L3MBTL4: variants seen among roughly 807,000 people sequenced by gnomAD.
The protein encoded by L3MBTL4 is L3MBTL histone methyl-lysine binding protein 4, also known as lethal(3)malignant brain tumor-like protein 4.
A neutral mutation model predicts 84.5 loss-of-function variants in L3MBTL4; 70 were observed. The ratio of observed to expected loss-of-function variants is 0.83; its 90% CI spans 0.68 to 1.01. L3MBTL4 has a LOEUF of 1.01. Ranked by LOEUF, L3MBTL4 falls within the 50% of genes least tolerant of loss-of-function variation. L3MBTL4 has a pLI of 0.00. For synonymous variants in L3MBTL4, 274 were observed against 259.8 expected, an observed-to-expected ratio of 1.05 and a Z score of -0.52; for missense variants, 715 against 754.8, an observed-to-expected ratio of 0.95 and a Z score of 0.62.
chr18:6,332,559 C>A (rs1262295305), intron 1 of L3MBTL4, among the ~76,000 whole-genome samples: 1 of 152,178 alleles, frequency 6.6e-6, no homozygotes, highest in South Asian at 2.1e-4. Context: ...AGATTCAATT[C>A]TAGGATTCTT....
At chr18:5,958,831 T>C (rs2095247531) in intron 18 of L3MBTL4, among the ~76,000 whole-genome samples, 1 of 152,198 alleles carries the variant, frequency 6.6e-6, no homozygotes, top group Non-Finnish European at 1.5e-5. Context: ...GCAATCTGCC[T>C]AAAGTGACAG....
At chr18:6,285,989 G>A (rs1252731964) in intron 4 of L3MBTL4, among the ~76,000 whole-genome samples, 3 of 150,884 alleles carry the variant, frequency 2.0e-5, no homozygotes, top group Non-Finnish European at 4.4e-5. Context: ...GTGCCACCAC[G>A]CCCAGCTAAT....
intron 4 of L3MBTL4, among the ~76,000 whole-genome samples, chr18:6,285,967 G>C (rs896849275): frequency 6.6e-6 from 1 of 151,536 alleles, no homozygotes; most frequent in African/African-American, 2.4e-5. Flanking sequence ...CAGTAGCTGG[G>C]ATCACAGGTG....
At chr18:6,230,784 T>A (rs1238957634) in intron 10 of L3MBTL4, among the ~76,000 whole-genome samples, 1 of 152,208 alleles carries the variant, frequency 6.6e-6, no homozygotes, top group African/African-American at 2.4e-5. Flanking sequence ...TAATAGCCAT[T>A]CTGACTGGTG....
At chr18:6,355,481 G>T (rs1257991467) in intron 1 of L3MBTL4, among the ~76,000 whole-genome samples, 1 of 151,656 alleles carries the variant, frequency 6.6e-6, no homozygotes, top group Non-Finnish European at 1.5e-5. Flanking sequence ...CTGGATAACA[G>T]TAGTAATCTT....
At chr18:6,290,604 T>C (rs904024809) in intron 4 of L3MBTL4, among the ~76,000 whole-genome samples, 1 of 152,038 alleles carries the variant, frequency 6.6e-6, no homozygotes, top group Admixed American at 6.6e-5. Context: ...CTCAGCTCAT[T>C]GCAACCTCAA....
At chr18:6,017,583 T>G (rs918990897) in intron 16 of L3MBTL4, 9 of 152,228 alleles carry the variant, frequency 5.9e-5, no homozygotes, top group African/African-American at 1.9e-4. Flanking sequence ...CCTTGACGAC[T>G]GCCCGTTAAA....
chr18:6,061,097 A>G (rs1361299862), intron 16 of L3MBTL4, among the ~76,000 whole-genome samples: 3 of 152,280 alleles, frequency 2.0e-5, no homozygotes, highest in South Asian at 2.1e-4. Flanking sequence ...CTACCAAACT[A>G]TCTTTCAAAG....
At chr18:6,208,428 T>A (rs754100794) in intron 12 of L3MBTL4, among the ~76,000 whole-genome samples, 1 of 152,182 alleles carries the variant, frequency 6.6e-6, no homozygotes, top group Non-Finnish European at 1.5e-5. Flanking sequence ...AGTTAATGCA[T>A]TAAATAGGAA....
At chr18:6,095,158 G>A (rs948294883) in intron 14 of L3MBTL4, among the ~76,000 whole-genome samples, 2 of 152,226 alleles carry the variant, frequency 1.3e-5, no homozygotes, top group South Asian at 4.1e-4. Context: ...TGTTTTACAT[G>A]TATTATTTCT....
chr18:6,283,370 G>A (rs181761611), intron 4 of L3MBTL4, among the ~76,000 whole-genome samples: 1 of 152,084 alleles, frequency 6.6e-6, no homozygotes. Context: ...ACTATTTCTG[G>A]TTATGTAAGA....
At position 6,247,223 on chromosome 18, in the gene L3MBTL4, AACATTTAT is replaced by A. The variant is rs764499796; in HGVS notation, c.220-2643_220-2636del. On this transcript the variant is annotated intron_variant, in intron 5 of 18. Transcript: ENST00000317931. Reference sequence around the variant, plus strand: ...TAACTCAGTTATTAACTGTAAATTTAACATTTATACAATACTTTTTCTAATCTTCCATT... The same window carrying A: ...TAACTCAGTTATTAACTGTAAATTTAACAATACTTTTTCTAATCTTCCATT... Among the ~76,000 whole-genome samples, 266 of 152,290 alleles carry A rather than the reference AACATTTAT, an allele frequency of 1.7e-3. 1 individual carries two copies. The highest frequency in any genetic ancestry group is 2.7e-3 in the Non-Finnish European group (183 of 68,008).
intron 10 of L3MBTL4, among the ~76,000 whole-genome samples, chr18:6,227,473 T>C (rs2046825760): frequency 6.6e-6 from 1 of 152,192 alleles, no homozygotes; most frequent in Non-Finnish European, 1.5e-5. Context: ...ATTGAATTCA[T>C]AGCTAAAACC....
At chr18:6,101,408 G>T (rs774306935) in intron 14 of L3MBTL4, among the ~76,000 whole-genome samples, 1 of 152,134 alleles carries the variant, frequency 6.6e-6, no homozygotes, top group Non-Finnish European at 1.5e-5. Context: ...CCCTTTTCTG[G>T]AAGCAGAGGT....
intron 1 of L3MBTL4, among the ~76,000 whole-genome samples, chr18:6,345,837 T>C (rs1391663337): frequency 6.6e-6 from 1 of 151,986 alleles, no homozygotes; most frequent in African/African-American, 2.4e-5. Flanking sequence ...AAAATTAATA[T>C]GGAACCACAA....
At chr18:6,404,003 A>G (rs2055616085) in intron 1 of L3MBTL4, among the ~76,000 whole-genome samples, 1 of 152,008 alleles carries the variant, frequency 6.6e-6, no homozygotes. Flanking sequence ...GGAATGGAAA[A>G]CCAAACATCA....
In L3MBTL4 at chr18:6,263,269, C is replaced by CAAA. The variant is rs750079581; in HGVS notation, c.219+675_219+677dup. ...GGCGATAGAGCCAGACTCCGTCTCACAAAAAAAAAAAAAAAGAAAAAAAAA... is the reference window on the plus strand; with the variant it reads ...GGCGATAGAGCCAGACTCCGTCTCACAAAAAAAAAAAAAAAAAAGAAAAAAAAA... On this transcript the variant is annotated intron_variant, in intron 5 of 18. Coordinates refer to ENST00000317931, the MANE Select transcript of L3MBTL4 (RefSeq NM_001330559.2). 8.2e-5 allele frequency among the ~76,000 whole-genome samples: 5 copies of CAAA among 60,690 alleles called. No individual in the cohort carries two copies. In the East Asian group the frequency reaches 1.3e-3, roughly 15 times the overall value. 39.8% of individuals were successfully genotyped at this position (60,690 alleles called of 152,430 possible).
chr18:6,218,954 G>A (rs893882263), intron 10 of L3MBTL4, among the ~76,000 whole-genome samples: 1 of 152,054 alleles, frequency 6.6e-6, no homozygotes, highest in African/African-American at 2.4e-5. Context: ...TGAAATACAG[G>A]AGACCGCCCC....
intron 16 of L3MBTL4, among the ~76,000 whole-genome samples, chr18:5,989,943 T>C (rs1275695990): frequency 2.0e-5 from 3 of 152,148 alleles, no homozygotes; most frequent in African/African-American, 7.2e-5. Flanking sequence ...ACAAGGCAAG[T>C]AGAGTGGGCC....
Sources: gnomAD v4.1 joint callset for allele counts (sites outside exome capture counted in the v4.1 genomes callset) on GRCh38, gnomAD v4.1.1 for gene constraint, MANE v1.5 for transcripts, NCBI Gene and HGNC (gene_info 2026-07-23, HGNC 2026-07-21) for gene names.